The following RPIA variants were observed in gnomAD, a reference collection of about 807,000 sequenced individuals.
RPIA encodes the protein ribose 5-phosphate isomerase A.
Under a neutral mutation model 37.8 loss-of-function variants are expected in RPIA, and 29 were observed. The ratio of observed to expected loss-of-function variants is 0.77; its 90% CI spans 0.57 to 1.05. RPIA has a LOEUF of 1.05. Among genes scored for constraint, RPIA ranks in the 50% least tolerant of loss-of-function variants. The pLI is 0.00. For synonymous variants in RPIA, 167 were observed against 157.0 expected, an observed-to-expected ratio of 1.06 and a Z score of -0.48; for missense variants, 385 against 413.6, an observed-to-expected ratio of 0.93 and a Z score of 0.60.
intron 3 of RPIA, among the ~76,000 whole-genome samples, chr2:88,724,110 A>G (rs190069305): frequency 6.6e-6 from 1 of 151,960 alleles, no homozygotes; most frequent in East Asian, 1.9e-4. Context: ...CTCAAGTTTT[A>G]TTTTCCTTTC....
intron 3 of RPIA, among the ~76,000 whole-genome samples, chr2:88,701,015 G>A (rs13394861): frequency 0.066 from 9,986 of 152,234 alleles, 594 homozygotes; most frequent in African/African-American, 0.16. Flanking sequence ...GGAGACACAG[G>A]ATGCTGGCAG....
chr2:88,750,114 C>G lies in RPIA; in HGVS notation c.*36C>G, dbSNP rs1341163086. 2.7e-6 allele frequency: 4 copies of G among 1,476,884 alleles called. No homozygotes were observed. The Admixed American group carries it at 6.7e-5, about 25-fold the overall frequency. The allele number at this position is 1,476,884 out of a possible 1,614,324, so 91.5% of individuals were successfully genotyped here. On this transcript the variant is annotated 3_prime_UTR_variant, in exon 9 of 9. Transcript: ENST00000283646. The stretch of plus-strand genomic sequence containing the variant: ...AGCAGAGTGTGTTCACCTTGAGTCT[C>G]CAGCCCACAGCCAAGGTGGACGTAC...
At chr2:88,733,001 G>T (rs1329855111) in intron 4 of RPIA, among the ~76,000 whole-genome samples, 2 of 152,226 alleles carry the variant, frequency 1.3e-5, no homozygotes, top group Non-Finnish European at 2.9e-5. Flanking sequence ...GGCACAGAGA[G>T]GGTAAGTCAT....
rs943767734 is a variant in RPIA, at chr2:88,750,213, G to A, written c.*135G>A. 5 of 664,646 alleles carry A rather than the reference G, an allele frequency of 7.5e-6. No homozygotes were observed. In the African/African-American group the frequency reaches 8.9e-5, roughly 12 times the overall value. 41.2% of individuals were successfully genotyped at this position (664,646 alleles called of 1,614,324 possible). A position where few individuals can be genotyped will look rare whatever the true frequency, so the allele number is the denominator to read the frequency against. The stretch of plus-strand genomic sequence containing the variant: ...GTGGGGGGTGGGGGGAAGAGTGGGA[G>A]GGGGAGTTAAATCCAGTCTTATGAA... On this transcript the variant is annotated 3_prime_UTR_variant, in exon 9 of 9. Coordinates refer to ENST00000283646, the MANE Select transcript of RPIA (RefSeq NM_144563.3).
intron 3 of RPIA, among the ~76,000 whole-genome samples, chr2:88,708,770 T>G (rs1672926646): frequency 6.6e-6 from 1 of 151,464 alleles, no homozygotes; most frequent in Non-Finnish European, 1.5e-5. Context: ...TTTTTTTTTT[T>G]TTTTGAGACG....
rs184672681 is a variant in RPIA, at chr2:88,750,861, A to G, written c.*783A>G. 1.4e-3 allele frequency: 552 copies of G among 396,990 alleles called. 1 individual carries two copies. The highest frequency in any genetic ancestry group is 2.1e-3 in the Non-Finnish European group (471 of 225,378). 24.6% of individuals were successfully genotyped at this position (396,990 alleles called of 1,614,324 possible). On this transcript the variant is annotated 3_prime_UTR_variant, in exon 9 of 9. Transcript: ENST00000283646. The stretch of plus-strand genomic sequence containing the variant: ...TCTCTGTTCCTTTGTTATTACTTGC[A>G]TGGTTTGGCGTCAGAAGTCCTTACC...
chr2:88,738,898 AC>A lies in RPIA; in HGVS notation c.838+825del, dbSNP rs549694799. ...GGCACCCTAAGTTGTCTGCCACTAG[AC>A]CCTGAATGTTTAATGCTTACTTGCT... On this transcript the variant is annotated intron_variant, in intron 8 of 8. Transcript: ENST00000283646. Among the ~76,000 whole-genome samples the A allele has an allele frequency of 5.9e-5, 9 of 152,272 alleles. No homozygotes were observed. The East Asian group carries it at 1.7e-3, about 29-fold the overall frequency.
At chr2:88,701,440 G>A (rs1022814523) in intron 3 of RPIA, among the ~76,000 whole-genome samples, 1 of 151,818 alleles carries the variant, frequency 6.6e-6, no homozygotes. Flanking sequence ...ATATATGCAC[G>A]TGGATTGAAG....
intron 3 of RPIA, among the ~76,000 whole-genome samples, chr2:88,724,217 A>G (rs1046547799): frequency 2.6e-5 from 4 of 152,194 alleles, no homozygotes. Flanking sequence ...TTCTATGGCT[A>G]TCCTCAGGAG....
rs1054642338 is a variant in RPIA at position 88,712,652 on chromosome 2, C to T, written c.402+12588C>T. On this transcript the variant is annotated intron_variant, in intron 3 of 8. Transcript: ENST00000283646. Reference sequence around the variant, plus strand: ...TGTATGATTACTTTTCCTTGCCTGCCCAATATTTTGTTTTCCCCAAAGTGG... The same window carrying T: ...TGTATGATTACTTTTCCTTGCCTGCTCAATATTTTGTTTTCCCCAAAGTGG... Among the ~76,000 whole-genome samples, 15 of 152,068 alleles carry T rather than the reference C, an allele frequency of 9.9e-5. 1 individual carries two copies. The highest frequency in any genetic ancestry group is 1.9e-4 in the Non-Finnish European group (13 of 68,004).
At chr2:88,693,585 T>C (rs1018386208) in intron 1 of RPIA, among the ~76,000 whole-genome samples, 1 of 152,260 alleles carries the variant, frequency 6.6e-6, no homozygotes, top group Non-Finnish European at 1.5e-5. Flanking sequence ...GTTCGTTTCT[T>C]CCAGCCCCTT....
At chr2:88,698,100 T>A (rs1573459175) in intron 1 of RPIA, among the ~76,000 whole-genome samples, 3 of 147,412 alleles carry the variant, frequency 2.0e-5, no homozygotes, top group East Asian at 3.9e-4. Flanking sequence ...TTTTTTTTTT[T>A]AAACACACTG....
At chr2:88,749,838 T>C in intron 8 of RPIA, 143 bp from the exon 9 acceptor site, 1 of 641,824 alleles carries the variant, frequency 1.6e-6, no homozygotes, top group Non-Finnish European at 2.9e-6. Flanking sequence ...CTCTTTTCAT[T>C]GCTCTGTGGG....
At chr2:88,694,979 C>CAAAAAAAA (rs61633535) in intron 1 of RPIA, among the ~76,000 whole-genome samples, 3 of 119,126 alleles carry the variant, frequency 2.5e-5, no homozygotes, top group Non-Finnish European at 3.6e-5. Flanking sequence ...AATAAAGTCT[C>CAAAAAAAA]AAAAAAAAAA....
intron 3 of RPIA, among the ~76,000 whole-genome samples, chr2:88,724,584 C>T (rs1220828200): frequency 6.6e-6 from 1 of 152,166 alleles, no homozygotes; most frequent in Non-Finnish European, 1.5e-5. Context: ...GCTGGGATTA[C>T]AGGAGTGAAC....
intron 3 of RPIA, among the ~76,000 whole-genome samples, chr2:88,722,488 T>G (rs7559093): frequency 0.035 from 5,284 of 151,942 alleles, 314 homozygotes; most frequent in African/African-American, 0.12. Context: ...AACTTTCCAT[T>G]GCAAAATTCG....
intron 7 of RPIA, among the ~76,000 whole-genome samples, chr2:88,737,700 A>G (rs774411788): frequency 2.6e-5 from 4 of 152,202 alleles, no homozygotes; most frequent in Non-Finnish European, 5.9e-5. Context: ...ACATGGTCAC[A>G]TAGTCATAGT....
intron 8 of RPIA, among the ~76,000 whole-genome samples, chr2:88,747,309 A>G (rs1673449624): frequency 1.3e-5 from 2 of 152,098 alleles, no homozygotes; most frequent in African/African-American, 2.4e-5. Context: ...ATGCCCCACC[A>G]TGGTGAGCAG....
intron 3 of RPIA, among the ~76,000 whole-genome samples, chr2:88,724,067 C>T (rs1287616617): frequency 6.6e-6 from 1 of 152,090 alleles, no homozygotes; most frequent in Non-Finnish European, 1.5e-5. Context: ...CAGGTTTGCC[C>T]TAAGCAGTTC....
Sources: gnomAD v4.1 joint callset for allele counts (sites outside exome capture counted in the v4.1 genomes callset) on GRCh38, gnomAD v4.1.1 for gene constraint, MANE v1.5 for transcripts, NCBI Gene and HGNC (gene_info 2026-07-23, HGNC 2026-07-21) for gene names.